Variants in BAIAP2L1 observed in about 807,000 individuals in gnomAD.
The protein encoded by BAIAP2L1 is BAR/IMD domain-containing adapter protein 2-like 1.
BAIAP2L1 carries 35 observed loss-of-function variants against 66.3 expected under a neutral mutation model. That is an observed-to-expected ratio of 0.53 (90% CI 0.40 to 0.70). BAIAP2L1 has a LOEUF of 0.70. Ranked by LOEUF, BAIAP2L1 falls within the 30% of genes least tolerant of loss-of-function variation. BAIAP2L1 has a pLI of 0.00. For synonymous variants in BAIAP2L1, 269 were observed against 248.7 expected, an observed-to-expected ratio of 1.08 and a Z score of -0.77; for missense variants, 622 against 656.9, an observed-to-expected ratio of 0.95 and a Z score of 0.58.
At chr7:98,347,906 G>T (rs762612438) in intron 3 of BAIAP2L1, among the ~76,000 whole-genome samples, 9 of 152,022 alleles carry the variant, frequency 5.9e-5, no homozygotes, top group African/African-American at 2.4e-5. Flanking sequence ...ACCAAACACC[G>T]CATGTTCTCA....
At chr7:98,351,107 C>T (rs151234621) in intron 3 of BAIAP2L1, among the ~76,000 whole-genome samples, 3 of 152,242 alleles carry the variant, frequency 2.0e-5, no homozygotes, top group Non-Finnish European at 2.9e-5. Flanking sequence ...GTGATCCGCC[C>T]GCCTTGGCCT....
intron 12 of BAIAP2L1, among the ~76,000 whole-genome samples, chr7:98,294,447 C>T (rs150825031): frequency 6.6e-6 from 1 of 152,318 alleles, no homozygotes; most frequent in African/African-American, 2.4e-5. Context: ...AGCGGCCCTC[C>T]CAGGTGTCAG....
At chr7:98,332,228 T>C (rs1009347092) in intron 3 of BAIAP2L1, among the ~76,000 whole-genome samples, 2 of 148,836 alleles carry the variant, frequency 1.3e-5, no homozygotes, top group Admixed American at 1.3e-4. Flanking sequence ...ACCAAAAATA[T>C]AAAAATTAGC....
chr7:98,327,621 T>A (rs1321776401), intron 3 of BAIAP2L1, among the ~76,000 whole-genome samples: 18 of 152,014 alleles, frequency 1.2e-4, no homozygotes, highest in Non-Finnish European at 1.5e-5. Context: ...TGCAGTGAGC[T>A]GAGATTGCAC....
chr7:98,301,273 C>A (rs1800407757), intron 12 of BAIAP2L1, among the ~76,000 whole-genome samples: 1 of 152,216 alleles, frequency 6.6e-6, no homozygotes, highest in Non-Finnish European at 1.5e-5. Flanking sequence ...GATGGGCCTT[C>A]TCATCGATTT....
intron 12 of BAIAP2L1, among the ~76,000 whole-genome samples, chr7:98,297,109 GTGGT>G (rs1015002244): frequency 5.3e-5 from 8 of 152,238 alleles, no homozygotes; most frequent in Non-Finnish European, 7.3e-5. Flanking sequence ...CACTACGAGA[GTGGT>G]TGGGCTGCAA....
chr7:98,340,520 C>T (rs2115630025), intron 3 of BAIAP2L1, among the ~76,000 whole-genome samples: 1 of 152,204 alleles, frequency 6.6e-6, no homozygotes, highest in African/African-American at 2.4e-5. Flanking sequence ...ATCTCCTGGC[C>T]TCGTGATCCA....
Position 98,393,121 on chromosome 7 carries a change from ATGTATATATACACACATATG to A in BAIAP2L1, c.51+7661_51+7680del, listed in dbSNP as rs1243825474. Among the ~76,000 whole-genome samples, 20 of 97,734 alleles carry A rather than the reference ATGTATATATACACACATATG, an allele frequency of 2.0e-4. 4 individuals are homozygous for A. Among genetic ancestry groups the A allele is most frequent in the Admixed American group, 1.3e-3 (12 of 9,596 alleles). The allele number at this position is 97,734 out of a possible 152,430, so 64.1% of individuals were successfully genotyped here. ...TACGTGTACATATATGTACACATAT[ATGTATATATACACACATATG>A]TGTACATATATATGTACACATATAT... On this transcript the variant is annotated intron_variant, in intron 1 of 13. Coordinates refer to ENST00000005260, the MANE Select transcript of BAIAP2L1 (RefSeq NM_018842.5).
intron 3 of BAIAP2L1, among the ~76,000 whole-genome samples, chr7:98,332,976 C>A (rs568672898): frequency 6.6e-6 from 1 of 152,098 alleles, no homozygotes; most frequent in South Asian, 2.1e-4. Context: ...CCTCGCCTGC[C>A]CCTCAGCCAC....
At chr7:98,296,501 G>T (rs1037379390) in intron 12 of BAIAP2L1, among the ~76,000 whole-genome samples, 1 of 151,978 alleles carries the variant, frequency 6.6e-6, no homozygotes, top group East Asian at 1.9e-4. Context: ...GGCGCACGCC[G>T]GTAATCCCAG....
At chr7:98,353,589 TTATA>T (rs909228020) in intron 3 of BAIAP2L1, among the ~76,000 whole-genome samples, 3 of 138,140 alleles carry the variant, frequency 2.2e-5, no homozygotes, top group African/African-American at 8.1e-5. Flanking sequence ...ACATATATAT[TTATA>T]TATGTATATT....
At chr7:98,294,654 A>G (rs1432907904) in intron 12 of BAIAP2L1, among the ~76,000 whole-genome samples, 1 of 152,258 alleles carries the variant, frequency 6.6e-6, no homozygotes, top group Non-Finnish European at 1.5e-5. Flanking sequence ...ACAGGTCCTC[A>G]GCCACGGTCT....
At chr7:98,389,322 T>C (rs1177004216) in intron 1 of BAIAP2L1, among the ~76,000 whole-genome samples, 1 of 151,972 alleles carries the variant, frequency 6.6e-6, no homozygotes, top group Non-Finnish European at 1.5e-5. Flanking sequence ...CGAGGCCTTA[T>C]TTTTTATTTT....
intron 10 of BAIAP2L1, 62 bp from the exon 11 acceptor site, chr7:98,306,578 G>A: frequency 1.9e-6 from 3 of 1,612,414 alleles, no homozygotes. Flanking sequence ...CAACCTCCCT[G>A]AACAACCTGG....
chr7:98,307,249 G>C (rs1004629909), intron 10 of BAIAP2L1: 1 of 301,326 alleles, frequency 3.3e-6, no homozygotes, highest in African/African-American at 2.3e-5. Flanking sequence ...GGGATTACAG[G>C]CGCCTGCCAC....
intron 1 of BAIAP2L1, among the ~76,000 whole-genome samples, chr7:98,394,258 C>CAAACA (rs939365257): frequency 1.3e-5 from 2 of 151,638 alleles, no homozygotes; most frequent in African/African-American, 4.8e-5. Flanking sequence ...AACAAACAAA[C>CAAACA]AAAAAAACCC....
At position 98,292,500 on chromosome 7, in the gene BAIAP2L1, A is replaced by C; in HGVS notation, c.*1021T>G. 2.5e-6 allele frequency: 2 copies of C among 808,040 alleles called. No individual in the cohort carries two copies. The highest frequency in any genetic ancestry group is 1.7e-5 in the South Asian group (1 of 57,506). The allele number at this position is 808,040 out of a possible 1,614,324, so 50.1% of individuals were successfully genotyped here. A position where few individuals can be genotyped will look rare whatever the true frequency, so the allele number is the denominator to read the frequency against. On this transcript the variant is annotated 3_prime_UTR_variant, in exon 14 of 14. Transcript: ENST00000005260. ...TAACCATGACTCTCCACTCCAAAAT[A>C]GGTCCAGATCCTTGGCAGCCAAAGA...
chr7:98,352,815 G>A (rs1027521242), intron 3 of BAIAP2L1, among the ~76,000 whole-genome samples: 19 of 152,156 alleles, frequency 1.2e-4, no homozygotes, highest in African/African-American at 4.3e-4. Context: ...ACTGACTCAA[G>A]TAAGGTGTGG....
At chr7:98,386,309 C>G in intron 1 of BAIAP2L1, 1 of 1,596,296 alleles carries the variant, frequency 6.3e-7, no homozygotes, top group South Asian at 1.1e-5. Flanking sequence ...AGTTTTTACC[C>G]TGAACATCTT....
Sources: gnomAD v4.1 joint callset for allele counts (sites outside exome capture counted in the v4.1 genomes callset) on GRCh38, gnomAD v4.1.1 for gene constraint, MANE v1.5 for transcripts, NCBI Gene and HGNC (gene_info 2026-07-23, HGNC 2026-07-21) for gene names.